The following GPLD1 variants were observed in gnomAD, a reference collection of about 807,000 sequenced individuals.
GPLD1 encodes glycosylphosphatidylinositol specific phospholipase D1.
GPLD1 carries 84 observed loss-of-function variants against 112.6 expected under a neutral mutation model. The observed-to-expected ratio is 0.75, with a 90% confidence interval of 0.63 to 0.89. The LOEUF (loss-of-function observed/expected upper bound fraction) is 0.89. GPLD1 is among the 40% of genes least tolerant of loss of function. The pLI is 0.00. For missense variants in GPLD1, 1,044 were observed against 1,051.5 expected (o/e 0.99, Z 0.10); for synonymous variants, 386 against 403.8 (o/e 0.96, Z 0.53).
intron 20 of GPLD1, among the ~76,000 whole-genome samples, chr6:24,440,954 G>A (rs1359668097): frequency 6.6e-6 from 1 of 152,068 alleles, no homozygotes; most frequent in East Asian, 1.9e-4. Context: ...CGAAGGATTG[G>A]TTCCAGGGCC....
At chr6:24,442,021 ATAT>A (rs1182641170) in intron 20 of GPLD1, among the ~76,000 whole-genome samples, 8 of 148,388 alleles carry the variant, frequency 5.4e-5, no homozygotes, top group African/African-American at 1.5e-4. Flanking sequence ...TAATATATAC[ATAT>A]TATATACATT....
At chr6:24,481,343 CTT>C (rs57649807) in intron 2 of GPLD1, among the ~76,000 whole-genome samples, 7,827 of 143,800 alleles carry the variant, frequency 0.054, 571 homozygotes, top group African/African-American at 0.17. Context: ...ATATCCCGCC[CTT>C]TTTTTTTTTT....
chr6:24,481,029 G>C (rs985072151), intron 2 of GPLD1, among the ~76,000 whole-genome samples: 1 of 152,212 alleles, frequency 6.6e-6, no homozygotes, highest in African/African-American at 2.4e-5. Context: ...AGAACCAATA[G>C]GTGAGGTGGT....
chr6:24,467,660 G>T (rs1422135246), intron 7 of GPLD1, among the ~76,000 whole-genome samples: 1 of 152,046 alleles, frequency 6.6e-6, no homozygotes, highest in Non-Finnish European at 1.5e-5. Context: ...GTTTCAAGTT[G>T]AATTGAAAAG....
chr6:24,478,727 G>C (rs902214167), intron 3 of GPLD1, among the ~76,000 whole-genome samples: 2 of 117,332 alleles, frequency 1.7e-5, no homozygotes, highest in African/African-American at 7.3e-5. Flanking sequence ...CTTAGCTGAA[G>C]GTCCAGCTCT....
rs936655927 is a variant in GPLD1, at chr6:24,427,039, A to G, written c.*1993T>C. On this transcript the variant is annotated 3_prime_UTR_variant, in exon 25 of 25. Transcript: ENST00000230036. ...TTCACCAGTCTCTACTCTTGAGAGA[A>G]GCTGAGAAGAGAAGGGCTCTTCTCA... Among the ~76,000 whole-genome samples the G allele has an allele frequency of 1.3e-5, 2 of 152,204 alleles. No homozygotes were observed. The highest frequency in any genetic ancestry group is 4.8e-5 in the African/African-American group (2 of 41,440).
intron 7 of GPLD1, among the ~76,000 whole-genome samples, chr6:24,471,905 A>G (rs1763836021): frequency 6.6e-6 from 1 of 152,182 alleles, no homozygotes; most frequent in Non-Finnish European, 1.5e-5. Context: ...TTTCTTAAAT[A>G]AGACATCAGA....
chr6:24,457,316 C>A (rs1012304864), intron 12 of GPLD1, among the ~76,000 whole-genome samples: 31 of 151,998 alleles, frequency 2.0e-4, no homozygotes, highest in African/African-American at 7.2e-4. Context: ...CCCATCTCAA[C>A]AAAAAATACA....
chr6:24,465,089 C>A lies in GPLD1; in HGVS notation c.821+1591G>T, dbSNP rs368064749. Among the ~76,000 whole-genome samples the A allele has an allele frequency of 4.0e-4, 60 of 149,784 alleles. No homozygotes were observed. In the East Asian group the frequency reaches 0.011, roughly 29 times the overall value. On this transcript the variant is annotated intron_variant, in intron 10 of 24. Transcript: ENST00000230036. ...GTGAGTACCTGTAGTCATAACTACT[C>A]GGGAAGCTGAGGCAGGAGAATTGCT...
At chr6:24,456,817 A>G (rs1712116332) in intron 12 of GPLD1, among the ~76,000 whole-genome samples, 180 bp from the exon 13 acceptor site, 1 of 152,236 alleles carries the variant, frequency 6.6e-6, no homozygotes, top group African/African-American at 2.4e-5. Context: ...CAATTAGGAT[A>G]GTGAAATCAT....
chr6:24,436,899 T>C (rs1399571134), intron 21 of GPLD1, among the ~76,000 whole-genome samples, 163 bp from the exon 22 acceptor site: 2 of 152,242 alleles, frequency 1.3e-5, no homozygotes, highest in African/African-American at 4.8e-5. Flanking sequence ...TCCTACTTCA[T>C]TCATCAATAG....
At chr6:24,461,114 A>G (rs1299284086) in intron 11 of GPLD1, among the ~76,000 whole-genome samples, 2 of 152,172 alleles carry the variant, frequency 1.3e-5, no homozygotes, top group Non-Finnish European at 2.9e-5. Flanking sequence ...ACATTCAAAG[A>G]TGTCAACCAG....
At chr6:24,493,532 A>G (rs1581798556), upstream of GPLD1, among the ~76,000 whole-genome samples, 1 of 152,194 alleles carries the variant, frequency 6.6e-6, no homozygotes, top group East Asian at 1.9e-4. Flanking sequence ...AAACAAAACA[A>G]AAACAAAAAC....
intron 1 of GPLD1, chr6:24,494,950 C>T (rs200776997): frequency 0.019 from 24,000 of 1,281,122 alleles, 316 homozygotes; most frequent in Non-Finnish European, 0.022. Context: ...CGTTCCCGTG[C>T]GCGCGCGCCC....
At chr6:24,466,494 GA>G (rs1198780082) in intron 10 of GPLD1, among the ~76,000 whole-genome samples, 185 bp downstream of exon 10, 4 of 152,192 alleles carry the variant, frequency 2.6e-5, no homozygotes, top group Non-Finnish European at 5.9e-5. Context: ...AACTGGATGG[GA>G]ACCAGTCAAG....
chr6:24,459,576 C>A (rs920301764), intron 12 of GPLD1, among the ~76,000 whole-genome samples: 3 of 152,180 alleles, frequency 2.0e-5, no homozygotes, highest in African/African-American at 7.2e-5. Flanking sequence ...TCTAATGATG[C>A]ACTTACCGCA....
chr6:24,486,274 G>A (rs978584491), intron 1 of GPLD1, 144 bp from the exon 2 acceptor site: 7 of 628,398 alleles, frequency 1.1e-5, no homozygotes, highest in African/African-American at 9.1e-5. Context: ...GCACTCACTG[G>A]CAATTTTCAT....
At chr6:24,459,234 G>C (rs768472610) in intron 12 of GPLD1, among the ~76,000 whole-genome samples, 3 of 146,628 alleles carry the variant, frequency 2.0e-5, no homozygotes, top group Non-Finnish European at 3.0e-5. Flanking sequence ...CCAAGGTGAA[G>C]CTTTTCTCCC....
At chr6:24,489,736 G>A, upstream of GPLD1, 1 of 632,314 alleles carries the variant, frequency 1.6e-6, no homozygotes. Context: ...CTCCTGGGGG[G>A]TGGGGTTGGG....
Sources: allele counts gnomAD v4.1 joint callset (sites outside exome capture counted in the v4.1 genomes callset), GRCh38; gene constraint gnomAD v4.1.1; transcripts MANE v1.5; gene names NCBI Gene and HGNC (gene_info 2026-07-23, HGNC 2026-07-21).